The following FAM117A variants were observed in gnomAD, a reference collection of about 807,000 sequenced individuals.
The protein encoded by FAM117A is protein FAM117A.
In FAM117A, 21 loss-of-function variants were observed where a neutral mutation model predicts 44.1. That is an observed-to-expected ratio of 0.48 (90% confidence interval 0.34 to 0.69). FAM117A has a LOEUF of 0.69. Ranked by LOEUF, FAM117A falls within the 30% of genes least tolerant of loss-of-function variation. The pLI, the probability that FAM117A is intolerant of heterozygous loss-of-function variation, is 0.01. For synonymous variants in FAM117A, 220 were observed against 238.3 expected, an observed-to-expected ratio of 0.92 and a Z score of 0.71; for missense variants, 498 against 589.9, an observed-to-expected ratio of 0.84 and a Z score of 1.61.
At chr17:49,779,090 A>G (rs151260256) in intron 1 of FAM117A, among the ~76,000 whole-genome samples, 7 of 152,348 alleles carry the variant, frequency 4.6e-5, no homozygotes, top group Non-Finnish European at 7.3e-5. Flanking sequence ...GCACACTCCT[A>G]AGGAATTGCA....
intron 1 of FAM117A, among the ~76,000 whole-genome samples, chr17:49,759,346 GC>G (rs1253334833): frequency 6.6e-6 from 1 of 152,176 alleles, no homozygotes; most frequent in African/African-American, 2.4e-5. Flanking sequence ...ACATTTAAGA[GC>G]CAGATGCTTC....
chr17:49,734,065 C>T (rs933080086), intron 1 of FAM117A, among the ~76,000 whole-genome samples: 7 of 151,296 alleles, frequency 4.6e-5, no homozygotes, highest in African/African-American at 1.7e-4. Flanking sequence ...ATGGTGTGAA[C>T]CCAGGAGGCA....
chr17:49,765,322 A>AT, upstream of FAM117A, among the ~76,000 whole-genome samples: 1 of 152,268 alleles, frequency 6.6e-6, no homozygotes, highest in East Asian at 1.9e-4. Context: ...TGTGAATTCT[A>AT]TTTTTGATCT....
At chr17:49,753,574 G>C (rs1790127449) in intron 1 of FAM117A, among the ~76,000 whole-genome samples, 3 of 152,204 alleles carry the variant, frequency 2.0e-5, no homozygotes, top group African/African-American at 4.8e-5. Flanking sequence ...CCAGCACTTT[G>C]GGAGGCTGGG....
chr17:49,773,981 C>T lies in FAM117A; in HGVS notation c.-621+14516G>A, dbSNP rs576557810. Among the ~76,000 whole-genome samples the T allele has an allele frequency of 6.6e-5, 10 of 152,168 alleles. No individual in the cohort carries two copies. In the East Asian group the frequency reaches 1.4e-3, roughly 21 times the overall value. Reference sequence around the variant, plus strand: ...GTTGGTCAGGTTGGTGTCAAATTCCCGACCTCAGGCAATCTGCCCGCCTTG... The same window carrying T: ...GTTGGTCAGGTTGGTGTCAAATTCCTGACCTCAGGCAATCTGCCCGCCTTG... On this transcript the variant is annotated intron_variant, in intron 1 of 7. Coordinates refer to the FAM117A transcript ENST00000513602.
intron 2 of FAM117A, among the ~76,000 whole-genome samples, chr17:49,725,287 C>T (rs2073554738): frequency 6.6e-6 from 1 of 152,182 alleles, no homozygotes; most frequent in African/African-American, 2.4e-5. Flanking sequence ...TCTGAGTGTA[C>T]AGCATTCGTG....
intron 2 of FAM117A, chr17:49,724,281 C>T (rs2073549023): frequency 4.4e-6 from 2 of 450,200 alleles, no homozygotes; most frequent in East Asian, 7.0e-5. Context: ...GGGCCCCGCA[C>T]CCCCCACACA....
At chr17:49,722,445 A>G in intron 3 of FAM117A, 54 bp downstream of exon 3, 6 of 1,422,928 alleles carry the variant, frequency 4.2e-6, no homozygotes, top group Non-Finnish European at 5.9e-6. Flanking sequence ...GCATGGTACT[A>G]GGGGATCGAG....
At chr17:49,743,547 G>A (rs558027073) in intron 1 of FAM117A, among the ~76,000 whole-genome samples, 1 of 152,270 alleles carries the variant, frequency 6.6e-6, no homozygotes, top group South Asian at 2.1e-4. Context: ...GGCTAACACA[G>A]TGAAACCCCG....
intron 1 of FAM117A, among the ~76,000 whole-genome samples, chr17:49,786,725 C>T (rs531171298): frequency 1.3e-4 from 19 of 147,846 alleles, no homozygotes; most frequent in East Asian, 6.0e-4. Flanking sequence ...TGCGGTGAGC[C>T]GAGCTCGTGC....
chr17:49,786,505 A>G (rs1323340055), intron 1 of FAM117A, among the ~76,000 whole-genome samples: 1 of 152,184 alleles, frequency 6.6e-6, no homozygotes, highest in Non-Finnish European at 1.5e-5. Context: ...AGCCAGGCGC[A>G]GTGGCTCACA....
At chr17:49,720,529 C>A in intron 3 of FAM117A, 93 bp from the exon 4 acceptor site, 1 of 896,610 alleles carries the variant, frequency 1.1e-6, no homozygotes, top group East Asian at 2.4e-5. Flanking sequence ...GGCAGAGGCC[C>A]ATGAAGATAT....
intron 3 of FAM117A, among the ~76,000 whole-genome samples, chr17:49,721,181 T>C (rs1034748738): frequency 1.3e-5 from 2 of 152,204 alleles, no homozygotes; most frequent in African/African-American, 4.8e-5. Flanking sequence ...GAAGGGGATA[T>C]TGGATTTCAT....
intron 1 of FAM117A, among the ~76,000 whole-genome samples, chr17:49,778,959 G>GA (rs1189152970): frequency 5.3e-5 from 8 of 152,238 alleles, no homozygotes; most frequent in African/African-American, 1.9e-4. Flanking sequence ...GGTTTCCTGA[G>GA]AAAATGGTAT....
intron 1 of FAM117A, among the ~76,000 whole-genome samples, chr17:49,742,068 T>C (rs893485673): frequency 6.6e-5 from 10 of 152,098 alleles, no homozygotes; most frequent in Non-Finnish European, 1.2e-4. Context: ...AGAAACTACA[T>C]TAGAAAGAAA....
chr17:49,758,433 G>A (rs1168309811), intron 1 of FAM117A, among the ~76,000 whole-genome samples: 1 of 151,662 alleles, frequency 6.6e-6, no homozygotes, highest in African/African-American at 2.4e-5. Flanking sequence ...AGACCAGCCT[G>A]GCCAATATGG....
intron 1 of FAM117A, among the ~76,000 whole-genome samples, chr17:49,733,529 C>T (rs925057121): frequency 9.2e-5 from 14 of 151,888 alleles, no homozygotes; most frequent in South Asian, 4.2e-4. Flanking sequence ...AAAAATTAGC[C>T]GGGCGTGGTG....
intron 2 of FAM117A, among the ~76,000 whole-genome samples, chr17:49,727,878 C>G (rs192967785): frequency 1.3e-5 from 2 of 152,346 alleles, no homozygotes; most frequent in East Asian, 3.9e-4. Flanking sequence ...ACCCACTATC[C>G]CTGCACGGGA....
chr17:49,765,810 T>C (rs2143791287), upstream of FAM117A: 1 of 152,360 alleles, frequency 6.6e-6, no homozygotes, highest in Middle Eastern at 3.4e-3. Context: ...CTTGCATTTA[T>C]ATTGTTCCTC....
Sources: gnomAD v4.1 joint callset for allele counts (sites outside exome capture counted in the v4.1 genomes callset) on GRCh38, gnomAD v4.1.1 for gene constraint, MANE v1.5 for transcripts, NCBI Gene and HGNC (gene_info 2026-07-23, HGNC 2026-07-21) for gene names.